RMC1: variants seen among roughly 807,000 people sequenced by gnomAD.
RMC1 encodes the protein regulator of MON1-CCZ1 complex.
In RMC1, 44 loss-of-function variants were observed where a neutral mutation model predicts 95.5. The observed-to-expected ratio is 0.46, with a 90% confidence interval of 0.36 to 0.59. The LOEUF (loss-of-function observed/expected upper bound fraction) is 0.59. Among genes scored for constraint, RMC1 ranks in the 20% least tolerant of loss-of-function variants. RMC1 has a pLI of 0.00. For synonymous variants in RMC1, 320 were observed against 303.6 expected (o/e 1.05, Z -0.56); for missense variants, 705 against 819.6 (o/e 0.86, Z 1.71).
rs778590287 is a variant in RMC1, at chr18:23,529,676, C to T, written c.1458C>T (p.Tyr486=). ...TTGTGATAGCCGTGCTGATGGAATA[C>T]ATTCGTTCTCTTAACCAGTTTCAGA... The part of the protein sequence containing the change: ...HKFVIAVLME[Y]IRSLNQFQIA... The change falls in exon 16 of 20, where the codon TAC becomes TAT. Residue 486 remains tyrosine, a synonymous_variant. Coordinates refer to ENST00000269221, the MANE Select transcript of RMC1 (RefSeq NM_013326.5). The T allele has an allele frequency of 1.7e-5, 27 of 1,614,112 alleles. No homozygotes were observed. The South Asian group carries it at 2.4e-4, about 14-fold the overall frequency.
chr18:23,529,316 G>A lies in RMC1; in HGVS notation c.1416+18G>A, dbSNP rs746753423. The A allele has an allele frequency of 4.1e-5, 65 of 1,601,714 alleles. 1 individual carries two copies. Among genetic ancestry groups the A allele is most frequent in the South Asian group, 3.4e-4 (30 of 88,900 alleles). On this transcript the variant is annotated intron_variant, in intron 15 of 19. Coordinates refer to ENST00000269221, the MANE Select transcript of RMC1 (RefSeq NM_013326.5). ...AAAAGAAGGTGGGCTGCAGCTTTCC[G>A]CCTCTTCTGGACTGAGAATGCTCAA...
In RMC1 at chr18:23,531,783, T is replaced by C; in HGVS notation, c.*79T>C. ...TAATAAAGCTCTTTAAACTATAAAA[T>C]GTTATAAAGTGTATCTACAACCTCA... On this transcript the variant is annotated 3_prime_UTR_variant, in exon 20 of 20. Transcript: ENST00000269221. 1.9e-6 allele frequency: 3 copies of C among 1,553,914 alleles called. No individual in the cohort carries two copies. Among genetic ancestry groups the C allele is most frequent in the Middle Eastern group, 1.8e-4 (1 of 5,674 alleles).
chr18:23,521,159 C>G (rs545838320), intron 10 of RMC1, among the ~76,000 whole-genome samples: 108 of 152,200 alleles, frequency 7.1e-4, no homozygotes, highest in Non-Finnish European at 1.2e-3. Flanking sequence ...CCAGCCTGTT[C>G]TAGTTTTTTA....
In RMC1 at chr18:23,515,993, T is replaced by C. The variant is rs1170469235; in HGVS notation, c.546T>C (p.Phe182=). 16 of 1,614,158 alleles carry C rather than the reference T, an allele frequency of 9.9e-6. No individual in the cohort carries two copies. Among genetic ancestry groups the C allele is most frequent in the East Asian group, 2.2e-5 (1 of 44,884 alleles). The change falls in exon 6 of 20, where the codon TTT becomes TTC. Residue 182 remains phenylalanine (F), a synonymous_variant. Transcript: ENST00000269221. The stretch of plus-strand genomic sequence containing the variant: ...AGAATGTCCTGCAGCCTTTTCACTT[T>C]AGGGTAAGAGGAAGCCTCCCCTGAA... The part of the protein sequence containing the change: ...VLENVLQPFH[F]RAGTMSKLPK...
Position 23,524,888 on chromosome 18 carries a change from C to G in RMC1, c.1060+406C>G, listed in dbSNP as rs182696499. 2.1e-3 allele frequency among the ~76,000 whole-genome samples: 319 copies of G among 151,398 alleles called. 2 individuals carry two copies. The highest frequency in any genetic ancestry group is 7.6e-3 in the African/African-American group (313 of 41,202). On this transcript the variant is annotated intron_variant, in intron 12 of 19. Coordinates refer to ENST00000269221, the MANE Select transcript of RMC1 (RefSeq NM_013326.5). Reference sequence around the variant, plus strand: ...CCTCTTTCTGGCCTTGCTGAGGAAGCCTCCTCAGTCTGTTAATTGTCTCTT... The same window carrying G: ...CCTCTTTCTGGCCTTGCTGAGGAAGGCTCCTCAGTCTGTTAATTGTCTCTT...
intron 11 of RMC1, 80 bp downstream of exon 11, chr18:23,524,254 G>A (rs759000250): frequency 1.3e-4 from 205 of 1,563,130 alleles, no homozygotes; most frequent in Non-Finnish European, 1.7e-4. Context: ...GTCCTCCTCC[G>A]GGCAGCTGTG....
chr18:23,515,933 G>A lies in RMC1; in HGVS notation c.486G>A (p.Glu162=). 1 of 1,614,154 alleles carries A rather than the reference G, an allele frequency of 6.2e-7. No homozygotes were observed. Among genetic ancestry groups the A allele is most frequent in the East Asian group, 2.2e-5 (1 of 44,874 alleles). The change falls in exon 6 of 20, where the codon GAG becomes GAA. Residue 162 remains glutamate (E), a synonymous_variant. Transcript: ENST00000269221. The part of the protein sequence containing the change: ...LNVNWYMYCP[E]SAVILLSTTV... ...TGAATTGGTACATGTACTGCCCCGA[G>A]AGCGCCGTGATCTTGCTGTCTACCA...
chr18:23,504,059 C>A (rs1456330964), intron 1 of RMC1, among the ~76,000 whole-genome samples: 1 of 152,208 alleles, frequency 6.6e-6, no homozygotes, highest in Non-Finnish European at 1.5e-5. Flanking sequence ...TCGAGATTTT[C>A]ATTTTCCTTG....
In RMC1 at chr18:23,530,816, G is replaced by A. The variant is rs757371066; in HGVS notation, c.1894+204G>A. Among the ~76,000 whole-genome samples, 7 of 152,190 alleles carry A rather than the reference G, an allele frequency of 4.6e-5. No individual in the cohort carries two copies. The East Asian group carries it at 5.8e-4, about 13-fold the overall frequency. The stretch of plus-strand genomic sequence containing the variant: ...TCTGAATTATGCTCTGGAACTCACC[G>A]AGGAGGTGTGTTTTGAGTCAAGACA... On this transcript the variant is annotated intron_variant, in intron 19 of 19. Coordinates refer to ENST00000269221, the MANE Select transcript of RMC1 (RefSeq NM_013326.5).
intron 5 of RMC1, among the ~76,000 whole-genome samples, chr18:23,510,924 T>C (rs2057838839): frequency 6.6e-6 from 1 of 152,216 alleles, no homozygotes; most frequent in Admixed American, 6.5e-5. Context: ...TGGCGATTCC[T>C]CAGAGAGCTA....
At position 23,527,779 on chromosome 18, in the gene RMC1, C is replaced by A; in HGVS notation, c.1190-16C>A. ...GAAGTTGGTTTGATCCGTGTGTGAA[C>A]ATTGTGCCTTTCCAGTGTTAAGTGA... On this transcript the variant is annotated splice_polypyrimidine_tract_variant and intron_variant, in intron 13 of 19. Transcript: ENST00000269221. The A allele has an allele frequency of 3.1e-6, 5 of 1,605,736 alleles. No homozygotes were observed. The highest frequency in any genetic ancestry group is 4.3e-6 in the Non-Finnish European group (5 of 1,172,454).
At chr18:23,503,955 GT>G (rs2145111317) in intron 1 of RMC1, among the ~76,000 whole-genome samples, 1 of 151,848 alleles carries the variant, frequency 6.6e-6, no homozygotes, top group Non-Finnish European at 1.5e-5. Context: ...CAGTGGCCCC[GT>G]GGCCAGTGTC....
intron 9 of RMC1, 64 bp downstream of exon 9, chr18:23,519,238 C>A: frequency 6.9e-7 from 1 of 1,449,732 alleles, no homozygotes; most frequent in South Asian, 1.1e-5. Context: ...AAATTGGTGG[C>A]TGGGCACGGT....
chr18:23,521,542 T>C (rs1351506181), intron 10 of RMC1, among the ~76,000 whole-genome samples: 2 of 152,160 alleles, frequency 1.3e-5, no homozygotes, highest in Non-Finnish European at 2.9e-5. Context: ...CAGTCCTCCT[T>C]CTGTCTGGAG....
rs543245030 is a variant in RMC1, at chr18:23,523,841, T to A, written c.962-289T>A. Among the ~76,000 whole-genome samples the A allele has an allele frequency of 5.9e-5, 9 of 152,340 alleles. 1 individual carries two copies. In the East Asian group the frequency reaches 1.7e-3, roughly 29 times the overall value. ...ATTTCTCAGTTCCTTAACGTGCATA[T>A]GTAAACGATCATGAGTCATCTTTGG... On this transcript the variant is annotated intron_variant, in intron 10 of 19. Coordinates refer to ENST00000269221, the MANE Select transcript of RMC1 (RefSeq NM_013326.5).
rs1436759439 is a variant in RMC1 at position 23,512,588 on chromosome 18, AT to A, written c.409-3259del. On this transcript the variant is annotated intron_variant, in intron 5 of 19. Coordinates refer to ENST00000269221, the MANE Select transcript of RMC1 (RefSeq NM_013326.5). ...GGTGTGTGCCAGCACGCCCAACTTA[AT>A]TTTTTTTTCCTTTTTTTTTTTTTGT... Among the ~76,000 whole-genome samples the A allele has an allele frequency of 5.2e-3, 740 of 142,108 alleles. 6 individuals carry two copies. The highest frequency in any genetic ancestry group is 0.018 in the African/African-American group (700 of 38,318). The allele number at this position is 142,108 out of a possible 152,430, so 93.2% of individuals were successfully genotyped here.
rs1386953796 is a variant in RMC1, at chr18:23,506,977, G to A, written c.187G>A (p.Asp63Asn). Residue 63 changes from aspartate to asparagine, a missense_variant, in exon 3 of 20, where the codon GAC becomes AAC. Coordinates refer to ENST00000269221, the MANE Select transcript of RMC1 (RefSeq NM_013326.5). The part of the protein sequence containing the change: ...DRNPISFRMD[D>N]KGEVKCIKFS... ...CAATCTTTCTTCTTAAAGAATGGAT[G>A]ACAAAGGAGAAGTGAAGTGCATTAA... 2 of 1,601,270 alleles carry A rather than the reference G, an allele frequency of 1.2e-6. No individual in the cohort carries two copies. The highest frequency in any genetic ancestry group is 1.7e-6 in the Non-Finnish European group (2 of 1,172,214).
chr18:23,530,172 A>T, intron 17 of RMC1, 40 bp downstream of exon 17: 4 of 1,613,850 alleles, frequency 2.5e-6, no homozygotes, highest in Non-Finnish European at 3.4e-6. Flanking sequence ...GTGGTTAAAA[A>T]TGGAAAATTT....
chr18:23,527,044 T>C (rs1214266946), intron 13 of RMC1, among the ~76,000 whole-genome samples: 5 of 151,944 alleles, frequency 3.3e-5, no homozygotes, highest in African/African-American at 7.3e-5. Context: ...CACACACACC[T>C]CTTTCAAAAT....
Sources: gnomAD v4.1 joint callset for allele counts (sites outside exome capture counted in the v4.1 genomes callset) on GRCh38, gnomAD v4.1.1 for gene constraint, MANE v1.5 for transcripts, NCBI Gene and HGNC (gene_info 2026-07-23, HGNC 2026-07-21) for gene names.